LTBP1: variants seen among roughly 807,000 people sequenced by gnomAD.
LTBP1 encodes latent transforming growth factor beta binding protein 1.
LTBP1 carries 129 observed loss-of-function variants against 207.6 expected under a neutral mutation model. The ratio of observed to expected loss-of-function variants is 0.62; its 90% CI spans 0.54 to 0.72. LTBP1 has a LOEUF of 0.72. Ranked by LOEUF, LTBP1 falls within the 30% of genes least tolerant of loss-of-function variation. LTBP1 has a pLI of 0.00. For synonymous variants in LTBP1, 963 were observed against 833.7 expected, an observed-to-expected ratio of 1.16 and a Z score of -2.67; for missense variants, 2,281 against 2,217.2, an observed-to-expected ratio of 1.03 and a Z score of -0.58.
At chr2:33,042,637 C>T (rs2076245818) in intron 3 of LTBP1, among the ~76,000 whole-genome samples, 1 of 152,070 alleles carries the variant, frequency 6.6e-6, no homozygotes, top group Non-Finnish European at 1.5e-5. Context: ...CTTTTCAGCC[C>T]AAAATTGGAG....
At chr2:33,048,787 A>G in intron 3 of LTBP1, among the ~76,000 whole-genome samples, 1 of 152,330 alleles carries the variant, frequency 6.6e-6, no homozygotes, top group East Asian at 1.9e-4. Context: ...TTAAATAGCC[A>G]AAAAATCTTA....
chr2:33,293,737 A>G (rs1219879724), intron 20 of LTBP1, among the ~76,000 whole-genome samples: 2 of 152,330 alleles, frequency 1.3e-5, no homozygotes, highest in Non-Finnish European at 2.9e-5. Flanking sequence ...ACATAATGTC[A>G]TTAATGAATA....
chr2:33,185,365 A>G (rs545281844), intron 5 of LTBP1, among the ~76,000 whole-genome samples: 2 of 152,308 alleles, frequency 1.3e-5, no homozygotes, highest in East Asian at 1.9e-4. Context: ...TGGAGGGAAG[A>G]CGATGAGTTC....
intron 2 of LTBP1, among the ~76,000 whole-genome samples, chr2:33,004,342 T>C (rs1686464932): frequency 6.6e-6 from 1 of 152,162 alleles, no homozygotes; most frequent in African/African-American, 2.4e-5. Context: ...GTATTTGTCC[T>C]CACAGAGTTC....
chr2:33,302,607 G>A (rs573748215), intron 22 of LTBP1, among the ~76,000 whole-genome samples: 42 of 152,224 alleles, frequency 2.8e-4, no homozygotes, highest in African/African-American at 1.0e-3. Flanking sequence ...CCTGCTGCTG[G>A]GAGTGTAAAT....
In LTBP1 at chr2:33,360,709, A is replaced by G; in HGVS notation, c.4113A>G (p.Glu1371=). ...TGGCCCCCAATGTCACGAAACAAGA[A>G]TGCTGCTGTACATCAGGCGTGGGAT... is the stretch of plus-strand genomic sequence containing the variant. ...NVLAPNVTKQ[E]CCCTSGVGWG... is the part of the protein sequence containing the mutation. The change falls in exon 27 of 34, where the codon GAA becomes GAG. Residue 1371 remains glutamate (E), a synonymous_variant. Transcript: ENST00000404816. 8 of 1,614,018 alleles carry G rather than the reference A, an allele frequency of 5.0e-6. No homozygotes were observed. Among genetic ancestry groups the G allele is most frequent in the Non-Finnish European group, 5.1e-6 (6 of 1,179,858 alleles).
At chr2:33,035,206 G>T (rs1411584299) in intron 3 of LTBP1, among the ~76,000 whole-genome samples, 1 of 152,174 alleles carries the variant, frequency 6.6e-6, no homozygotes, top group East Asian at 1.9e-4. Context: ...GTTTCTTAAA[G>T]CAGTCCTTGT....
In LTBP1 at chr2:33,270,198, A is replaced by T. The variant is rs1272878584; in HGVS notation, c.2618-3458A>T. 2.6e-5 allele frequency among the ~76,000 whole-genome samples: 4 copies of T among 151,772 alleles called. No homozygotes were observed. The East Asian group carries it at 7.8e-4, about 30-fold the overall frequency. On this transcript the variant is annotated intron_variant, in intron 15 of 33. Transcript: ENST00000404816. ...GCCTCCCAAAGTGCTGGGATTACAG[A>T]CGTGAGCCACTGCACACAGCCTCTG...
intron 8 of LTBP1, among the ~76,000 whole-genome samples, chr2:33,220,078 A>G (rs1018584247): frequency 5.3e-5 from 8 of 152,184 alleles, no homozygotes; most frequent in African/African-American, 1.9e-4. Context: ...TTAATGTATA[A>G]AATTGAAGAG....
chr2:33,027,818 A>G (rs1427925958), intron 3 of LTBP1, among the ~76,000 whole-genome samples: 2 of 152,224 alleles, frequency 1.3e-5, no homozygotes, highest in African/African-American at 4.8e-5. Flanking sequence ...GTCTGGCGAC[A>G]GAGCAAGACT....
chr2:33,367,002 C>A (rs911834913), intron 31 of LTBP1, among the ~76,000 whole-genome samples: 4 of 152,126 alleles, frequency 2.6e-5, no homozygotes, highest in African/African-American at 9.7e-5. Context: ...CCACCTACCC[C>A]ATCACAGTTG....
intron 3 of LTBP1, among the ~76,000 whole-genome samples, chr2:33,097,713 A>C (rs2079473449): frequency 1.3e-5 from 2 of 152,176 alleles, no homozygotes; most frequent in African/African-American, 4.8e-5. Context: ...AATAAACAAT[A>C]AGGATATAGT....
At chr2:33,091,485 G>A (rs1210199917) in intron 3 of LTBP1, among the ~76,000 whole-genome samples, 2 of 152,118 alleles carry the variant, frequency 1.3e-5, no homozygotes, top group Non-Finnish European at 2.9e-5. Context: ...TACGTAAGGC[G>A]GTCCAAGGTC....
chr2:33,001,125 C>T (rs1232699053), intron 2 of LTBP1, among the ~76,000 whole-genome samples: 1 of 134,786 alleles, frequency 7.4e-6, no homozygotes, highest in African/African-American at 2.6e-5. Flanking sequence ...TAACTATCCA[C>T]AATGACCCTG....
At chr2:33,216,493 T>G (rs1407582777) in intron 7 of LTBP1, among the ~76,000 whole-genome samples, 1 of 152,178 alleles carries the variant, frequency 6.6e-6, no homozygotes, top group East Asian at 1.9e-4. Flanking sequence ...TAGATCATTC[T>G]AGAGTGTGCC....
chr2:33,103,633 T>TGTGTGTGTGTG lies in LTBP1; in HGVS notation c.864-6949_864-6948insGTGTGTGTGTG, dbSNP rs780868356. On this transcript the variant is annotated intron_variant, in intron 3 of 33. Coordinates refer to ENST00000404816, the MANE Select transcript of LTBP1 (RefSeq NM_206943.4). ...TGTGTGTGTGTGTGTGTGTGAGTGT[T>TGTGTGTGTGTG]ATGCTGCCATGTGGCATCTTCCTAA... Among the ~76,000 whole-genome samples the TGTGTGTGTGTG allele has an allele frequency of 5.8e-3, 714 of 123,000 alleles. 11 individuals carry two copies. The highest frequency in any genetic ancestry group is 8.6e-3 in the Non-Finnish European group (465 of 54,332). The allele number at this position is 123,000 out of a possible 152,430, so 80.7% of individuals were successfully genotyped here.
At chr2:33,116,467 T>TA (rs2080751183) in intron 4 of LTBP1, among the ~76,000 whole-genome samples, 2 of 152,234 alleles carry the variant, frequency 1.3e-5, no homozygotes, top group South Asian at 2.1e-4. Flanking sequence ...CTCTGGCTCT[T>TA]AAAAAAATGT....
At chr2:33,143,610 T>G (rs2082798125) in intron 5 of LTBP1, among the ~76,000 whole-genome samples, 1 of 152,214 alleles carries the variant, frequency 6.6e-6, no homozygotes, top group Admixed American at 6.5e-5. Flanking sequence ...TAACACTGAC[T>G]TCACTGTACT....
chr2:33,278,505 A>G (rs72859503), intron 18 of LTBP1, among the ~76,000 whole-genome samples: 2,299 of 152,306 alleles, frequency 0.015, 62 homozygotes, highest in African/African-American at 0.052. Flanking sequence ...CAAGGAGTCT[A>G]TTGTAGTTTA....
Sources: allele counts gnomAD v4.1 joint callset (sites outside exome capture counted in the v4.1 genomes callset), GRCh38; gene constraint gnomAD v4.1.1; transcripts MANE v1.5; gene names NCBI Gene and HGNC (gene_info 2026-07-23, HGNC 2026-07-21).